Variants in NAV3 observed in about 807,000 individuals in gnomAD.
NAV3 encodes neuron navigator 3.
A neutral mutation model predicts 244.7 loss-of-function variants in NAV3; 87 were observed. The ratio of observed to expected loss-of-function variants is 0.36; its 90% confidence interval spans 0.30 to 0.42. The LOEUF (loss-of-function observed/expected upper bound fraction) is 0.42. NAV3 is among the 20% of genes least tolerant of loss of function. The pLI, the probability that NAV3 is intolerant of heterozygous loss-of-function variation, is 1.00. For synonymous variants in NAV3, 1,126 were observed against 1,042.2 expected (o/e 1.08, Z -1.55); for missense variants, 2,663 against 2,893.3 (o/e 0.92, Z 1.83).
chr12:78,187,210 C>T (rs1273590975), intron 31 of NAV3, among the ~76,000 whole-genome samples: 1 of 151,828 alleles, frequency 6.6e-6, no homozygotes, highest in Non-Finnish European at 1.5e-5. Flanking sequence ...TTTTGATAAC[C>T]ATTTATCCTT....
intron 2 of NAV3, among the ~76,000 whole-genome samples, chr12:77,742,370 T>A (rs545538850): frequency 6.6e-6 from 1 of 152,134 alleles, no homozygotes; most frequent in Admixed American, 6.6e-5. Context: ...ATCTTTAGAT[T>A]TGATCCTTGA....
intron 2 of NAV3, among the ~76,000 whole-genome samples, chr12:77,711,200 T>C (rs1012453101): frequency 4.6e-5 from 7 of 152,230 alleles, no homozygotes; most frequent in African/African-American, 1.4e-4. Flanking sequence ...CTGTAGTCTT[T>C]TTCTTACTTT....
At chr12:77,866,747 A>G (rs966961384) in intron 1 of NAV3, among the ~76,000 whole-genome samples, 1 of 152,226 alleles carries the variant, frequency 6.6e-6, no homozygotes, top group African/African-American at 2.4e-5. Context: ...GAATAACTTG[A>G]ATAACATTCA....
At chr12:77,610,963 C>A (rs1170408353) in intron 2 of NAV3, among the ~76,000 whole-genome samples, 2 of 147,800 alleles carry the variant, frequency 1.4e-5, no homozygotes, top group African/African-American at 2.5e-5. Flanking sequence ...ACAGGATGTC[C>A]AATCTTCAGA....
chr12:77,689,055 A>C (rs1469905924), intron 2 of NAV3, among the ~76,000 whole-genome samples: 4 of 151,956 alleles, frequency 2.6e-5, no homozygotes, highest in Non-Finnish European at 5.9e-5. Flanking sequence ...AGAAGGGTTA[A>C]GGAAGTGATG....
intron 2 of NAV3, among the ~76,000 whole-genome samples, chr12:77,645,329 A>G (rs927576447): frequency 6.6e-6 from 1 of 151,124 alleles, no homozygotes; most frequent in Non-Finnish European, 1.5e-5. Flanking sequence ...TGGTAGGTCC[A>G]AATAACTTTA....
chr12:77,697,794 A>G (rs1875381153), intron 2 of NAV3, among the ~76,000 whole-genome samples: 1 of 152,188 alleles, frequency 6.6e-6, no homozygotes, highest in Non-Finnish European at 1.5e-5. Context: ...TTAAGAAATA[A>G]AATATGTGCC....
chr12:77,963,440 T>G (rs1055901129), intron 3 of NAV3, among the ~76,000 whole-genome samples: 1 of 152,202 alleles, frequency 6.6e-6, no homozygotes. Flanking sequence ...GCCTAGTATA[T>G]ACTAACAAAT....
intron 20 of NAV3, among the ~76,000 whole-genome samples, chr12:78,145,609 G>T (rs970316289): frequency 6.6e-6 from 1 of 152,094 alleles, no homozygotes; most frequent in African/African-American, 2.4e-5. Flanking sequence ...GCATTTTGCA[G>T]CCCAGCATGA....
chr12:78,134,198 A>G (rs1956280103), intron 18 of NAV3, among the ~76,000 whole-genome samples: 1 of 152,048 alleles, frequency 6.6e-6, no homozygotes, highest in African/African-American at 2.4e-5. Flanking sequence ...ATCCTTTCCC[A>G]TCTTCGTGTT....
At position 78,199,528 on chromosome 12, in the gene NAV3, A is replaced by G. The variant is rs752145090; in HGVS notation, c.6712A>G (p.Ile2238Val). The change falls in exon 37 of 40, where the codon ATT (isoleucine) becomes GTT (valine). Residue 2238 changes from isoleucine to valine, a missense_variant. Transcript: ENST00000397909. ...AACACACAGTTCTTCTGACGTTACC[A>G]TTGGTGAGTTCCAAAATTATAATAT... is the stretch of plus-strand genomic sequence containing the variant. Reference protein sequence around the residue: ...LETHSSSDVTIGPRLFLPCPM... With the variant: ...LETHSSSDVTVGPRLFLPCPM... 1 of 1,572,766 alleles carries G rather than the reference A, an allele frequency of 6.4e-7. No homozygotes were observed. Among genetic ancestry groups the G allele is most frequent in the Non-Finnish European group, 8.6e-7 (1 of 1,163,790 alleles).
intron 12 of NAV3, among the ~76,000 whole-genome samples, chr12:78,114,435 C>T (rs1458509156): frequency 3.3e-5 from 5 of 152,128 alleles, no homozygotes; most frequent in Admixed American, 2.0e-4. Flanking sequence ...AATTGACTCA[C>T]AGTTCAGCAT....
At chr12:78,030,978 C>G (rs1171642905) in intron 9 of NAV3, among the ~76,000 whole-genome samples, 5 of 152,138 alleles carry the variant, frequency 3.3e-5, no homozygotes, top group African/African-American at 1.2e-4. Context: ...TTCTGCAACC[C>G]CAAGCTTCAA....
intron 2 of NAV3, among the ~76,000 whole-genome samples, chr12:77,590,007 A>G (rs567442624): frequency 1.4e-4 from 22 of 152,320 alleles, no homozygotes; most frequent in Admixed American, 1.2e-3. Context: ...TAAGCTTGGA[A>G]CAGAGTAAGC....
At chr12:77,951,418 C>T (rs1278355902) in intron 3 of NAV3, among the ~76,000 whole-genome samples, 1 of 152,106 alleles carries the variant, frequency 6.6e-6, no homozygotes, top group African/African-American at 2.4e-5. Flanking sequence ...AGTCAGGAAA[C>T]AGCAGTGCTG....
At chr12:77,827,359 A>AT (rs1488547908), upstream of NAV3, among the ~76,000 whole-genome samples, 46 of 150,858 alleles carry the variant, frequency 3.0e-4, no homozygotes, top group African/African-American at 9.0e-4. Flanking sequence ...ACAGTTGAAT[A>AT]TTTTTTCTCT....
intron 2 of NAV3, among the ~76,000 whole-genome samples, chr12:77,729,594 G>C (rs1877033886): frequency 6.6e-6 from 1 of 151,850 alleles, no homozygotes; most frequent in African/African-American, 2.4e-5. Context: ...GAAGAAGAAA[G>C]GTCCTGCAAG....
At chr12:77,927,872 C>T (rs1888368642) in intron 1 of NAV3, among the ~76,000 whole-genome samples, 4 of 152,076 alleles carry the variant, frequency 2.6e-5, no homozygotes, top group Non-Finnish European at 5.9e-5. Flanking sequence ...GTTTGATTGA[C>T]TGTCTGTATT....
intron 2 of NAV3, among the ~76,000 whole-genome samples, chr12:77,694,475 TAAAA>T (rs755271316): frequency 7.4e-6 from 1 of 134,376 alleles, no homozygotes; most frequent in African/African-American, 2.8e-5. Context: ...CCATCTCAAT[TAAAA>T]AAAAAAAAAA....
Sources: gnomAD v4.1 joint callset for allele counts (sites outside exome capture counted in the v4.1 genomes callset) on GRCh38, gnomAD v4.1.1 for gene constraint, MANE v1.5 for transcripts, NCBI Gene and HGNC (gene_info 2026-07-23, HGNC 2026-07-21) for gene names.